WDR75: variants seen among roughly 807,000 people sequenced by gnomAD.
WDR75 encodes WD repeat-containing protein 75.
WDR75 carries 52 observed loss-of-function variants against 106.1 expected under a neutral mutation model. That is an observed-to-expected ratio of 0.49 (90% CI 0.39 to 0.62). The LOEUF is 0.62. Among genes scored for constraint, WDR75 ranks in the 20% least tolerant of loss-of-function variants. The pLI is 0.00. For missense variants in WDR75, 905 were observed against 970.3 expected (o/e 0.93, Z 0.89); for synonymous variants, 333 against 335.5 (o/e 0.99, Z 0.08).
chr2:189,455,199 C>A lies in WDR75; in HGVS notation c.374-121C>A, dbSNP rs1686707003. ...GAGGTTGCAGTGAGCCGAGATCACG[C>A]CACTGCACTCCAGCCTGGGCGACAG... On this transcript the variant is annotated intron_variant, in intron 4 of 20. Transcript: ENST00000314761. The A allele has an allele frequency of 3.3e-6, 4 of 1,215,096 alleles. No homozygotes were observed. In the South Asian group the frequency reaches 6.8e-5, roughly 21 times the overall value. 75.3% of individuals were successfully genotyped at this position (1,215,096 alleles called of 1,614,324 possible).
intron 18 of WDR75, among the ~76,000 whole-genome samples, chr2:189,473,543 T>TA (rs997772559): frequency 2.0e-5 from 3 of 152,098 alleles, no homozygotes; most frequent in Non-Finnish European, 4.4e-5. Flanking sequence ...ACTGCCTAGA[T>TA]ATGAAGATAC....
intron 18 of WDR75, among the ~76,000 whole-genome samples, chr2:189,472,823 A>G (rs1362228579): frequency 2.0e-5 from 3 of 152,228 alleles, no homozygotes; most frequent in African/African-American, 7.2e-5. Flanking sequence ...GACTTCCCAA[A>G]ACTTAACCTG....
intron 1 of WDR75, among the ~76,000 whole-genome samples, chr2:189,446,357 G>T (rs1686498922): frequency 1.3e-5 from 2 of 152,192 alleles, no homozygotes; most frequent in Admixed American, 6.5e-5. Flanking sequence ...AGGAAGCCCT[G>T]AAGAGTGGCC....
At chr2:189,449,055 T>C (rs530717369) in intron 2 of WDR75, among the ~76,000 whole-genome samples, 1 of 152,278 alleles carries the variant, frequency 6.6e-6, no homozygotes, top group African/African-American at 2.4e-5. Flanking sequence ...TCAAGACAAA[T>C]TTGGGAATTT....
intron 9 of WDR75, among the ~76,000 whole-genome samples, chr2:189,462,900 A>G (rs1381761537): frequency 6.6e-6 from 1 of 152,198 alleles, no homozygotes; most frequent in Non-Finnish European, 1.5e-5. Flanking sequence ...TTACATTTTC[A>G]AAGTCTTTTA....
At chr2:189,460,445 A>C (rs1166857177) in intron 8 of WDR75, among the ~76,000 whole-genome samples, 1 of 151,340 alleles carries the variant, frequency 6.6e-6, no homozygotes, top group Non-Finnish European at 1.5e-5. Flanking sequence ...CCCACTCCAC[A>C]CCCTCAAAAT....
intron 4 of WDR75, among the ~76,000 whole-genome samples, chr2:189,453,571 G>T (rs1250089458): frequency 6.6e-6 from 1 of 152,120 alleles, no homozygotes; most frequent in African/African-American, 2.4e-5. Flanking sequence ...GATGGAAAAC[G>T]ACTGATCTAA....
At chr2:189,470,398 T>G (rs1041383633) in intron 17 of WDR75, among the ~76,000 whole-genome samples, 153 bp downstream of exon 17, 12 of 152,178 alleles carry the variant, frequency 7.9e-5, no homozygotes, top group African/African-American at 2.4e-4. Flanking sequence ...TACAGCAGCA[T>G]TATTAATGTA....
rs368418134 is a variant in WDR75 at position 189,467,654 on chromosome 2, T to C, written c.1628+6T>C. 9.4e-5 allele frequency: 150 copies of C among 1,588,830 alleles called. No individual in the cohort carries two copies. The highest frequency in any genetic ancestry group is 1.3e-4 in the Non-Finnish European group (149 of 1,168,006). ...CAACGAGCTGGGAAAATAAGGTAGG[T>C]AAATCTTCGGGAAGTATGTAGTACT... On this transcript the variant is annotated splice_donor_region_variant and intron_variant, in intron 14 of 20. Transcript: ENST00000314761.
At chr2:189,456,087 G>A (rs1406821835) in intron 5 of WDR75, among the ~76,000 whole-genome samples, 2 of 152,064 alleles carry the variant, frequency 1.3e-5, no homozygotes, top group African/African-American at 4.8e-5. Context: ...AAGTTTTATA[G>A]CATTATTTTG....
intron 2 of WDR75, chr2:189,450,659 A>G (rs1011415147): frequency 1.5e-6 from 2 of 1,315,478 alleles, no homozygotes; most frequent in African/African-American, 3.1e-5. Context: ...TCCCTCTTCA[A>G]GACAGAAAGT....
chr2:189,464,156 G>A (rs1014667536), intron 11 of WDR75, 195 bp downstream of exon 11: 7 of 578,762 alleles, frequency 1.2e-5, no homozygotes, highest in Non-Finnish European at 1.8e-5. Flanking sequence ...TTACATGTAA[G>A]CCAGTTGGCA....
chr2:189,461,745 A>G (rs890792045), intron 8 of WDR75, among the ~76,000 whole-genome samples: 5 of 152,134 alleles, frequency 3.3e-5, no homozygotes, highest in African/African-American at 1.2e-4. Context: ...TTCTGGTTTC[A>G]TTTCAGTGCA....
At chr2:189,469,967 G>A in intron 16 of WDR75, 109 bp from the exon 17 acceptor site, 1 of 947,824 alleles carries the variant, frequency 1.1e-6, no homozygotes, top group Non-Finnish European at 1.6e-6. Context: ...CATGACTTGG[G>A]CCAGTTACTC....
intron 18 of WDR75, among the ~76,000 whole-genome samples, chr2:189,473,470 G>A (rs1330751611): frequency 2.6e-5 from 4 of 151,940 alleles, no homozygotes; most frequent in Admixed American, 6.6e-5. Context: ...AATTCTATGC[G>A]TTCCTGCCTA....
chr2:189,474,640 C>T (rs956300732), intron 19 of WDR75, 77 bp from the exon 20 acceptor site: 8 of 1,271,736 alleles, frequency 6.3e-6, no homozygotes, highest in East Asian at 4.6e-5. Flanking sequence ...AAAGGGACTC[C>T]GTGAGGACAC....
Position 189,458,805 on chromosome 2 carries a change from T to C in WDR75, c.622T>C (p.Cys208Arg). ...GAAGCATGCTAAAAACAATTTTACATGTGTAGCATGTCACCCAACGGAAGA... is the reference window on the plus strand; with the variant it reads ...GAAGCATGCTAAAAACAATTTTACACGTGTAGCATGTCACCCAACGGAAGA... ...NKKHAKNNFT[C>R]VACHPTEDCI... Residue 208 changes from cysteine to arginine, a missense_variant, in exon 7 of 21, where the codon TGT (cysteine) becomes CGT (arginine). By Grantham distance (180) the Cys-to-Arg change is radical. Coordinates refer to ENST00000314761, the MANE Select transcript of WDR75 (RefSeq NM_032168.3). 1 of 1,608,376 alleles carries C rather than the reference T, an allele frequency of 6.2e-7. No homozygotes were observed. The highest frequency in any genetic ancestry group is 8.5e-7 in the Non-Finnish European group (1 of 1,177,522).
At chr2:189,459,262 A>G (rs1379477163) in intron 7 of WDR75, 74 bp from the exon 8 acceptor site, 3 of 1,069,422 alleles carry the variant, frequency 2.8e-6, no homozygotes, top group African/African-American at 3.2e-5. Flanking sequence ...TATTATGTTT[A>G]TTGTATTTGG....
At chr2:189,442,468 T>TTG (rs869073533) in intron 1 of WDR75, among the ~76,000 whole-genome samples, 1 of 144,742 alleles carries the variant, frequency 6.9e-6, no homozygotes, top group African/African-American at 2.6e-5. Context: ...TTTTTTTTTT[T>TTG]GATGCAGAAT....
Sources: gnomAD v4.1 joint callset for allele counts (sites outside exome capture counted in the v4.1 genomes callset) on GRCh38, gnomAD v4.1.1 for gene constraint, MANE v1.5 for transcripts, NCBI Gene and HGNC (gene_info 2026-07-23, HGNC 2026-07-21) for gene names.